Variants in ACSBG2 observed in about 807,000 individuals in gnomAD.
The protein encoded by ACSBG2 is acyl-CoA synthetase bubblegum family member 2, also known as long-chain-fatty-acid--CoA ligase ACSBG2.
ACSBG2 carries 62 observed loss-of-function variants against 74.7 expected under a neutral mutation model. The observed-to-expected ratio is 0.83, with a 90% CI of 0.68 to 1.03. The LOEUF (loss-of-function observed/expected upper bound fraction) is 1.03, where lower values mean the gene tolerates loss of function less well. Ranked by LOEUF, ACSBG2 falls within the 50% of genes least tolerant of loss-of-function variation. The probability of loss-of-function intolerance (pLI) is 0.00; values close to 1 mark genes in which losing one functional copy is unlikely to be tolerated. For synonymous variants in ACSBG2, 309 were observed against 294.1 expected, an observed-to-expected ratio of 1.05 and a Z score of -0.52; for missense variants, 730 against 817.6, an observed-to-expected ratio of 0.89 and a Z score of 1.31.
At chr19:6,164,272 G>A (rs1407067085) in intron 6 of ACSBG2, among the ~76,000 whole-genome samples, 1 of 152,064 alleles carries the variant, frequency 6.6e-6, no homozygotes, top group African/African-American at 2.4e-5. Context: ...CTCTGAGAAA[G>A]GACAGGTTCC....
chr19:6,187,673 G>A lies in ACSBG2; in HGVS notation c.1755G>A (p.Leu585=), dbSNP rs758705492. 6.2e-7 allele frequency: 1 copy of A among 1,614,104 alleles called. No individual in the cohort carries two copies. The highest frequency in any genetic ancestry group is 8.5e-7 in the Non-Finnish European group (1 of 1,180,030). Reference sequence around the variant, plus strand: ...AGGCCATCAACTTCTGTCGGGGTCTGGGCAGCCAGGCATCCACCGTGACTG... The same window carrying A: ...AGGCCATCAACTTCTGTCGGGGTCTAGGCAGCCAGGCATCCACCGTGACTG... ...NFEAINFCRG[L]GSQASTVTEI... The change falls in exon 13 of 15, where the codon CTG becomes CTA. Residue 585 remains leucine (L), a synonymous_variant. Coordinates refer to ENST00000588485, the MANE Select transcript of ACSBG2 (RefSeq NM_030924.5).
chr19:6,163,616 C>G (rs888372212), intron 6 of ACSBG2, among the ~76,000 whole-genome samples: 1 of 151,664 alleles, frequency 6.6e-6, no homozygotes, highest in Non-Finnish European at 1.5e-5. Context: ...TGGCACGCAC[C>G]TGTAGTCTCA....
intron 7 of ACSBG2, among the ~76,000 whole-genome samples, chr19:6,168,732 GT>G (rs1379813730): frequency 1.3e-5 from 2 of 152,050 alleles, no homozygotes; most frequent in African/African-American, 2.4e-5. Context: ...AAAGGGGCTG[GT>G]TTTTTTCTTA....
At position 6,187,760 on chromosome 19, in the gene ACSBG2, G is replaced by T; in HGVS notation, c.1842G>T (p.Val614=). 1 of 1,614,182 alleles carries T rather than the reference G, an allele frequency of 6.2e-7. No individual in the cohort carries two copies. Among genetic ancestry groups the T allele is most frequent in the Admixed American group, 1.7e-5 (1 of 60,020 alleles). The part of the protein sequence containing the change: ...YKAIQQGINA[V]NQEAMNNAQR... Reference sequence around the variant, plus strand: ...CCATCCAGCAAGGCATCAATGCTGTGAACCAGGAAGCCATGAACAATGCAC... The same window carrying T: ...CCATCCAGCAAGGCATCAATGCTGTTAACCAGGAAGCCATGAACAATGCAC... Residue 614 remains valine, a synonymous_variant, in exon 13 of 15, where the codon GTG becomes GTT. Transcript: ENST00000588485.
At position 6,174,752 on chromosome 19, in the gene ACSBG2, G is replaced by T. The variant is rs1415080535; in HGVS notation, c.739-2477G>T. 2.0e-5 allele frequency among the ~76,000 whole-genome samples: 3 copies of T among 152,174 alleles called. No individual in the cohort carries two copies. Among genetic ancestry groups the T allele is most frequent in the Non-Finnish European group, 4.4e-5 (3 of 68,016 alleles). On this transcript the variant is annotated intron_variant, in intron 7 of 14. Transcript: ENST00000588485. The surrounding 1 kb of genome is among the most constrained non-coding windows in gnomAD (Gnocchi z 4.2). ...CCCTTGAGCCCAGGAGTTCGAGGCT[G>T]CAGTGAGCTATGATGCTGCCACTGC...
intron 11 of ACSBG2, among the ~76,000 whole-genome samples, chr19:6,186,337 G>A (rs61222543): frequency 0.066 from 9,991 of 152,198 alleles, 540 homozygotes; most frequent in African/African-American, 0.15. Flanking sequence ...GTGGCCAGCT[G>A]CCAATATGAA....
At chr19:6,181,205 CA>C (rs2145226536) in intron 8 of ACSBG2, among the ~76,000 whole-genome samples, 1 of 101,646 alleles carries the variant, frequency 9.8e-6, no homozygotes, top group East Asian at 3.1e-4. Flanking sequence ...ACCGGGGCAA[CA>C]GAGGGAGACT....
At chr19:6,161,391 T>C in intron 6 of ACSBG2, 96 bp downstream of exon 6, 5 of 1,187,762 alleles carry the variant, frequency 4.2e-6, no homozygotes, top group Non-Finnish European at 6.1e-6. Flanking sequence ...AGGGAGGAGG[T>C]CGGACCTGGC....
intron 7 of ACSBG2, among the ~76,000 whole-genome samples, chr19:6,172,067 CTA>C (rs1250130060): frequency 3.3e-5 from 5 of 151,982 alleles, no homozygotes; most frequent in Non-Finnish European, 5.9e-5. Flanking sequence ...CTTAATATAT[CTA>C]TGTTGTATTT....
rs1220471201 is a variant in ACSBG2, at chr19:6,192,923, G to C, written c.*291G>C. The C allele has an allele frequency of 6.6e-6, 1 of 152,148 alleles. No individual in the cohort carries two copies. 9.4% of individuals were successfully genotyped at this position (152,148 alleles called of 1,614,324 possible). On this transcript the variant is annotated 3_prime_UTR_variant, in exon 15 of 15. Coordinates refer to ENST00000588485, the MANE Select transcript of ACSBG2 (RefSeq NM_030924.5). Reference sequence around the variant, plus strand: ...TAAAAACTGCCTGATTTACAAGAAAGACCTGAACTTGTGGGCTCCCATTTG... The same window carrying C: ...TAAAAACTGCCTGATTTACAAGAAACACCTGAACTTGTGGGCTCCCATTTG...
rs1416385289 is a variant in ACSBG2, at chr19:6,192,772, T to C, written c.*140T>C. The C allele has an allele frequency of 6.6e-6, 1 of 152,232 alleles. No homozygotes were observed. The highest frequency in any genetic ancestry group is 6.5e-5 in the Admixed American group (1 of 15,286). The allele number at this position is 152,232 out of a possible 1,614,324, so 9.4% of individuals were successfully genotyped here. On this transcript the variant is annotated 3_prime_UTR_variant, in exon 15 of 15. Transcript: ENST00000588485. Reference sequence around the variant, plus strand: ...CATTCCTCATTGGTCAGTTTCTTGATTGTTCGTCTGTTGGAGAGGTGCTCC... The same window carrying C: ...CATTCCTCATTGGTCAGTTTCTTGACTGTTCGTCTGTTGGAGAGGTGCTCC...
chr19:6,172,635 C>T (rs1275036660), intron 7 of ACSBG2, among the ~76,000 whole-genome samples: 2 of 152,226 alleles, frequency 1.3e-5, no homozygotes. Flanking sequence ...ATGGACATAA[C>T]AGCCAACACT....
chr19:6,178,171 C>T (rs2090141231), intron 8 of ACSBG2, among the ~76,000 whole-genome samples: 1 of 152,078 alleles, frequency 6.6e-6, no homozygotes, highest in Admixed American at 6.6e-5. Flanking sequence ...TCCCCATTCT[C>T]TCAACATAAA....
rs144738765 is a variant in ACSBG2 at position 6,145,310 on chromosome 19, C to G, written c.68-2136C>G. On this transcript the variant is annotated intron_variant, in intron 2 of 14. Transcript: ENST00000588485. ...ACTTGAGAGGCTGAGGCAGGGGAAT[C>G]ACATGATCCCAGGAGGTGGAGGTTG... 2.1e-3 allele frequency among the ~76,000 whole-genome samples: 316 copies of G among 151,926 alleles called. 2 individuals carry two copies. The highest frequency in any genetic ancestry group is 7.1e-3 in the African/African-American group (295 of 41,444).
chr19:6,180,268 C>CT lies in ACSBG2; in HGVS notation c.907-2480dup, dbSNP rs1180514743. Among the ~76,000 whole-genome samples the CT allele has an allele frequency of 6.6e-6, 1 of 152,160 alleles. No homozygotes were observed. The highest frequency in any genetic ancestry group is 2.4e-5 in the African/African-American group (1 of 41,448). On this transcript the variant is annotated intron_variant, in intron 8 of 14. Transcript: ENST00000588485. This position sits in a 1 kb window ranked among gnomAD's most constrained non-coding sequence, Gnocchi z 4.3. ...GTCCCAGGAGTTAGAACGTGGACAT[C>CT]TTTAGGGGGCCATTATTTTGCCTCC...
Position 6,187,287 on chromosome 19 carries a change from C to A in ACSBG2, c.1545C>A (p.Ile515=), listed in dbSNP as rs765149531. The change falls in exon 12 of 15, where the codon ATC becomes ATA. Residue 515 remains isoleucine, a synonymous_variant. Coordinates refer to ENST00000588485, the MANE Select transcript of ACSBG2 (RefSeq NM_030924.5). ...CCAAGCCAAGCTCTGTTCCAGAAAT[C>A]CTTATCACTGCTGGTGGTGAAAATG... ...FLYVTGHIKE[I]LITAGGENVP... is the part of the protein sequence containing the mutation. 3 of 1,614,020 alleles carry A rather than the reference C, an allele frequency of 1.9e-6. No individual in the cohort carries two copies. Among genetic ancestry groups the A allele is most frequent in the Non-Finnish European group, 2.5e-6 (3 of 1,180,028 alleles).
At chr19:6,140,874 G>C (rs997306810) in intron 1 of ACSBG2, among the ~76,000 whole-genome samples, 1 of 152,166 alleles carries the variant, frequency 6.6e-6, no homozygotes, top group Non-Finnish European at 1.5e-5. Context: ...CTGAGTTTGA[G>C]CATGTTTACT....
intron 1 of ACSBG2, among the ~76,000 whole-genome samples, chr19:6,140,146 A>T (rs1209468778): frequency 6.6e-6 from 1 of 150,608 alleles, no homozygotes; most frequent in East Asian, 2.0e-4. Flanking sequence ...AATGGCGTGA[A>T]CCCAGAAGGT....
At chr19:6,186,277 C>A (rs979456776) in intron 11 of ACSBG2, among the ~76,000 whole-genome samples, 1 of 152,148 alleles carries the variant, frequency 6.6e-6, no homozygotes, top group African/African-American at 2.4e-5. Flanking sequence ...CTTCTCAACT[C>A]TGTGATTTGT....
Sources: gnomAD v4.1 joint callset for allele counts (sites outside exome capture counted in the v4.1 genomes callset) on GRCh38, gnomAD v4.1.1 for gene constraint, Gnocchi (gnomAD v3.1) non-coding constraint, MANE v1.5 for transcripts, NCBI Gene and HGNC (gene_info 2026-07-23, HGNC 2026-07-21) for gene names.